Variants in PLD5 observed in about 807,000 individuals in gnomAD.
The protein encoded by PLD5 is phospholipase D family member 5.
Under a neutral mutation model 61.1 loss-of-function variants are expected in PLD5, and 36 were observed. The observed-to-expected ratio is 0.59, with a 90% confidence interval of 0.45 to 0.78. The LOEUF is 0.78. PLD5 is among the 30% of genes least tolerant of loss of function. The pLI is 0.00. For synonymous variants in PLD5, 243 were observed against 242.8 expected (o/e 1.00, Z -0.01); for missense variants, 515 against 644.4 (o/e 0.80, Z 2.17).
At chr1:242,272,825 C>T (rs1057457148) in intron 3 of PLD5, among the ~76,000 whole-genome samples, 4 of 152,064 alleles carry the variant, frequency 2.6e-5, no homozygotes, top group Non-Finnish European at 4.4e-5. Flanking sequence ...ATCATATTAA[C>T]ATGGTAGAGG....
At chr1:242,212,684 G>T (rs1669907711) in intron 5 of PLD5, among the ~76,000 whole-genome samples, 1 of 152,224 alleles carries the variant, frequency 6.6e-6, no homozygotes, top group African/African-American at 2.4e-5. Context: ...GGTGCAAAGT[G>T]GCTGCCGCCC....
intron 2 of PLD5, among the ~76,000 whole-genome samples, chr1:242,337,656 C>T (rs1374206675): frequency 6.6e-6 from 1 of 152,116 alleles, no homozygotes; most frequent in Non-Finnish European, 1.5e-5. Context: ...GCAAGCAAAT[C>T]ATATAATACC....
intron 5 of PLD5, among the ~76,000 whole-genome samples, chr1:242,184,777 A>G (rs1303591191): frequency 6.6e-6 from 1 of 152,110 alleles, no homozygotes; most frequent in Non-Finnish European, 1.5e-5. Flanking sequence ...AGAGAAAAGC[A>G]AGAGTATCAG....
chr1:242,436,559 C>G (rs1274401831), intron 1 of PLD5, among the ~76,000 whole-genome samples: 2 of 152,186 alleles, frequency 1.3e-5, no homozygotes, highest in Admixed American at 6.5e-5. Flanking sequence ...ACCCAGACAG[C>G]TTTTTATCCA....
At chr1:242,173,083 GTATTCAAT>G (rs968509187) in intron 5 of PLD5, among the ~76,000 whole-genome samples, 1 of 152,052 alleles carries the variant, frequency 6.6e-6, no homozygotes, top group Admixed American at 6.6e-5. Flanking sequence ...GAAATAAAGG[GTATTCAAT>G]TAGGAAAAGA....
intron 1 of PLD5, among the ~76,000 whole-genome samples, chr1:242,362,198 A>G (rs1355842821): frequency 6.6e-6 from 1 of 152,120 alleles, no homozygotes; most frequent in Non-Finnish European, 1.5e-5. Context: ...AAAATCTACA[A>G]AGCTGAAAGT....
At chr1:242,401,499 A>C (rs1163490730) in intron 1 of PLD5, among the ~76,000 whole-genome samples, 3 of 151,878 alleles carry the variant, frequency 2.0e-5, no homozygotes, top group African/African-American at 4.8e-5. Context: ...GGCCGCCGGG[A>C]CCCCACCTCT....
chr1:242,226,279 C>A (rs749927556), intron 4 of PLD5, among the ~76,000 whole-genome samples: 1 of 152,192 alleles, frequency 6.6e-6, no homozygotes, highest in South Asian at 2.1e-4. Context: ...GGATGTCAAC[C>A]GAGAGATGCA....
chr1:242,483,285 C>T (rs1353608255), intron 1 of PLD5, among the ~76,000 whole-genome samples: 1 of 152,050 alleles, frequency 6.6e-6, no homozygotes. Context: ...AGAGTCAAGA[C>T]CCATCAGTGT....
At chr1:242,429,013 G>A (rs1665576228) in intron 1 of PLD5, among the ~76,000 whole-genome samples, 1 of 152,292 alleles carries the variant, frequency 6.6e-6, no homozygotes, top group African/African-American at 2.4e-5. Flanking sequence ...ATGTGGCCCT[G>A]TCAGGCTGGA....
intron 2 of PLD5, among the ~76,000 whole-genome samples, chr1:242,333,625 C>T (rs1474707645): frequency 6.6e-6 from 1 of 152,064 alleles, no homozygotes; most frequent in Non-Finnish European, 1.5e-5. Context: ...TGGTAATAAA[C>T]CCATTTATAT....
At chr1:242,284,735 T>A (rs1674923273) in intron 3 of PLD5, among the ~76,000 whole-genome samples, 1 of 152,204 alleles carries the variant, frequency 6.6e-6, no homozygotes, top group South Asian at 2.1e-4. Flanking sequence ...CACTACCTTG[T>A]TGAAGTGAGA....
rs146802530 is a variant in PLD5, at chr1:242,353,039, T to C, written c.190-4797A>G. ...GTTTTAAATAAGCTTTTTATTTGAA[T>C]GTAATCCCATGTGTTTATTTTTGCC... is the stretch of plus-strand genomic sequence containing the variant. On this transcript the variant is annotated intron_variant, in intron 1 of 9. Coordinates refer to ENST00000536534, the MANE Select transcript of PLD5 (RefSeq NM_001372062.1). Among the ~76,000 whole-genome samples, 289 of 152,322 alleles carry C rather than the reference T, an allele frequency of 1.9e-3. 1 individual carries two copies. The highest frequency in any genetic ancestry group is 6.4e-3 in the African/African-American group (265 of 41,564).
At chr1:242,098,321 C>T (rs1442056346) in intron 9 of PLD5, among the ~76,000 whole-genome samples, 1 of 152,232 alleles carries the variant, frequency 6.6e-6, no homozygotes, top group African/African-American at 2.4e-5. Flanking sequence ...GATCTTCCAT[C>T]ACTGATACCC....
intron 5 of PLD5, among the ~76,000 whole-genome samples, chr1:242,137,031 C>A (rs550174024): frequency 6.2e-4 from 94 of 152,192 alleles, no homozygotes; most frequent in African/African-American, 2.1e-3. Flanking sequence ...CTGTGGAGTC[C>A]TAATGAGGAA....
At chr1:242,257,894 G>T (rs1221408033) in intron 4 of PLD5, among the ~76,000 whole-genome samples, 1 of 152,060 alleles carries the variant, frequency 6.6e-6, no homozygotes, top group African/African-American at 2.4e-5. Context: ...CAAACGCCTG[G>T]GCCTTTTCAT....
intron 5 of PLD5, among the ~76,000 whole-genome samples, chr1:242,151,832 T>C (rs1222185803): frequency 6.6e-6 from 1 of 152,098 alleles, no homozygotes; most frequent in Non-Finnish European, 1.5e-5. Flanking sequence ...TTTTTTTCTT[T>C]TTCTTTTCAA....
In PLD5 at chr1:242,153,483, G is replaced by A. The variant is rs1391906471; in HGVS notation, c.736-28818C>T. ...TTCTTCTAGGGTTTTTATGGTTTTA[G>A]GTCTTATGTTTAACTCTTTAATCCA... On this transcript the variant is annotated intron_variant, in intron 5 of 9. Transcript: ENST00000536534. Among the ~76,000 whole-genome samples the A allele has an allele frequency of 5.3e-5, 8 of 152,074 alleles. No individual in the cohort carries two copies. In the East Asian group the frequency reaches 1.5e-3, roughly 29 times the overall value.
intron 1 of PLD5, among the ~76,000 whole-genome samples, chr1:242,394,889 T>C (rs1395536975): frequency 1.8e-4 from 15 of 82,400 alleles, no homozygotes; most frequent in Admixed American, 3.9e-4. Flanking sequence ...AATATATGTA[T>C]ATATATGATT....
Sources: allele counts gnomAD v4.1 joint callset (sites outside exome capture counted in the v4.1 genomes callset), GRCh38; gene constraint gnomAD v4.1.1; transcripts MANE v1.5; gene names NCBI Gene and HGNC (gene_info 2026-07-23, HGNC 2026-07-21).